The following VAV3 variants were observed in gnomAD, a reference collection of about 807,000 sequenced individuals.
VAV3 encodes guanine nucleotide exchange factor VAV3.
In VAV3, 94 loss-of-function variants were observed where a neutral mutation model predicts 131.2. The ratio of observed to expected loss-of-function variants is 0.72; its 90% CI spans 0.61 to 0.85. The LOEUF (loss-of-function observed/expected upper bound fraction) is 0.85. Among genes scored for constraint, VAV3 ranks in the 40% least tolerant of loss-of-function variants. VAV3 has a pLI of 0.00. For synonymous variants in VAV3, 349 were observed against 342.0 expected, an observed-to-expected ratio of 1.02 and a Z score of -0.22; for missense variants, 939 against 1,002.7, an observed-to-expected ratio of 0.94 and a Z score of 0.86.
In VAV3 at chr1:107,957,881, TA is replaced by T. The variant is rs11413288; in HGVS notation, c.204+6784del. On this transcript the variant is annotated intron_variant, in intron 1 of 26. Transcript: ENST00000370056. Reference sequence around the variant, plus strand: ...AAACATGGTATAATTTTCTCCATCTTAAAAAAAAAAAAAGACACGATCTCAT... The same window carrying T: ...AAACATGGTATAATTTTCTCCATCTTAAAAAAAAAAAAGACACGATCTCAT... Among the ~76,000 whole-genome samples, 1,011 of 141,860 alleles carry T rather than the reference TA, an allele frequency of 7.1e-3. 8 individuals are homozygous for T. Among genetic ancestry groups the T allele is most frequent in the African/African-American group, 0.014 (550 of 39,018 alleles). The allele number at this position is 141,860 out of a possible 152,430, so 93.1% of individuals were successfully genotyped here. A position where few individuals can be genotyped will look rare whatever the true frequency, so the allele number is the denominator to read the frequency against.
intron 2 of VAV3, among the ~76,000 whole-genome samples, chr1:107,787,356 C>T (rs1666064100): frequency 6.6e-6 from 1 of 152,184 alleles, no homozygotes; most frequent in Non-Finnish European, 1.5e-5. Context: ...AACCAACAGT[C>T]TATTAGGAAA....
At chr1:107,585,970 G>T (rs966132778) in intron 25 of VAV3, among the ~76,000 whole-genome samples, 1 of 152,154 alleles carries the variant, frequency 6.6e-6, no homozygotes, top group African/African-American at 2.4e-5. Context: ...AGTGGCTGGT[G>T]TCAGCCTGCT....
chr1:107,748,486 G>A (rs1337603665), intron 15 of VAV3, among the ~76,000 whole-genome samples: 4 of 152,044 alleles, frequency 2.6e-5, no homozygotes, highest in Admixed American at 6.6e-5. Flanking sequence ...TTAAATACAC[G>A]AAGCATTTTA....
In VAV3 at chr1:107,964,882, C is replaced by G; in HGVS notation, c.-13G>C. On this transcript the variant is annotated 5_prime_UTR_variant, in exon 1 of 27. Transcript: ENST00000370056. Reference sequence around the variant, plus strand: ...TCCACGGCTCCATGCCCGACGGCTCCGGGACGCGGCTGGGCCGGGGCGGGC... The same window carrying G: ...TCCACGGCTCCATGCCCGACGGCTCGGGGACGCGGCTGGGCCGGGGCGGGC... 1 of 1,507,854 alleles carries G rather than the reference C, an allele frequency of 6.6e-7. No homozygotes were observed. Among genetic ancestry groups the G allele is most frequent in the Middle Eastern group, 1.9e-4 (1 of 5,336 alleles). The allele number at this position is 1,507,854 out of a possible 1,614,324, so 93.4% of individuals were successfully genotyped here. A position where few individuals can be genotyped will look rare whatever the true frequency, so the allele number is the denominator to read the frequency against.
At chr1:107,610,069 T>A in intron 21 of VAV3, 104 bp from the exon 22 acceptor site, 2 of 1,017,026 alleles carry the variant, frequency 2.0e-6, no homozygotes, top group Non-Finnish European at 3.1e-6. Context: ...AAACCCTAAG[T>A]GGCACAGTCC....
chr1:107,924,563 T>C (rs539124759), intron 1 of VAV3, among the ~76,000 whole-genome samples: 1 of 152,154 alleles, frequency 6.6e-6, no homozygotes, highest in Non-Finnish European at 1.5e-5. Context: ...ACCAAAAATA[T>C]CTATGGCTTT....
intron 6 of VAV3, among the ~76,000 whole-genome samples, chr1:107,768,763 AAAGG>A (rs1253096228): frequency 6.6e-6 from 1 of 152,220 alleles, no homozygotes; most frequent in Non-Finnish European, 1.5e-5. Flanking sequence ...AATGCTTCCA[AAAGG>A]AAGGAAGAAA....
intron 15 of VAV3, among the ~76,000 whole-genome samples, chr1:107,733,949 G>A (rs1662427906): frequency 1.3e-5 from 2 of 152,240 alleles, no homozygotes; most frequent in East Asian, 1.9e-4. Flanking sequence ...CATGTTAAAG[G>A]CAGCCAGAGA....
chr1:107,662,277 G>A (rs939688002), intron 19 of VAV3, among the ~76,000 whole-genome samples: 5 of 151,984 alleles, frequency 3.3e-5, no homozygotes, highest in Non-Finnish European at 7.4e-5. Flanking sequence ...TTTAAAATAT[G>A]ACAAATTGTT....
chr1:107,899,636 A>T (rs1385638133), intron 1 of VAV3, among the ~76,000 whole-genome samples: 1 of 152,206 alleles, frequency 6.6e-6, no homozygotes, highest in Non-Finnish European at 1.5e-5. Flanking sequence ...ATGATGTATC[A>T]AGGCTGAGTG....
At chr1:107,883,681 G>A (rs1002911566) in intron 1 of VAV3, among the ~76,000 whole-genome samples, 9 of 152,102 alleles carry the variant, frequency 5.9e-5, no homozygotes, top group African/African-American at 1.7e-4. Context: ...TGTGTTTCCT[G>A]CCTCTGGTGT....
chr1:107,897,862 T>C lies in VAV3; in HGVS notation c.205-22845A>G, dbSNP rs79346709. On this transcript the variant is annotated intron_variant, in intron 1 of 26. Coordinates refer to ENST00000370056, the MANE Select transcript of VAV3 (RefSeq NM_006113.5). Reference sequence around the variant, plus strand: ...TTTATGAAATTTTATTGCTGTACCTTACTTTCTAAAATCCCCTCTTGCTCT... The same window carrying C: ...TTTATGAAATTTTATTGCTGTACCTCACTTTCTAAAATCCCCTCTTGCTCT... 6.5e-3 allele frequency among the ~76,000 whole-genome samples: 984 copies of C among 152,186 alleles called. 12 individuals are homozygous for C. Among genetic ancestry groups the C allele is most frequent in the African/African-American group, 0.023 (944 of 41,506 alleles).
intron 2 of VAV3, 121 bp from the exon 3 acceptor site, chr1:107,779,613 A>G (rs1447191048): frequency 6.8e-6 from 4 of 588,604 alleles, no homozygotes; most frequent in Non-Finnish European, 1.1e-5. Context: ...GCAGGTGTCA[A>G]AGATGTGCAG....
intron 2 of VAV3, among the ~76,000 whole-genome samples, chr1:107,871,828 C>A (rs1251579486): frequency 6.6e-6 from 1 of 152,106 alleles, no homozygotes; most frequent in Non-Finnish European, 1.5e-5. Flanking sequence ...GCAGAAAACA[C>A]CACAATGAGA....
At chr1:107,701,361 C>T (rs1396711301) in intron 17 of VAV3, among the ~76,000 whole-genome samples, 1 of 151,004 alleles carries the variant, frequency 6.6e-6, no homozygotes, top group Admixed American at 6.6e-5. Context: ...TGTACGTTGG[C>T]CCCTTTTCGC....
chr1:107,767,708 T>C lies in VAV3; in HGVS notation c.717+733A>G, dbSNP rs1329815796. Among the ~76,000 whole-genome samples the C allele has an allele frequency of 7.4e-4, 112 of 152,188 alleles. 1 individual carries two copies. Among genetic ancestry groups the C allele is most frequent in the Non-Finnish European group, 2.4e-4 (16 of 68,032 alleles). On this transcript the variant is annotated intron_variant, in intron 7 of 26. Transcript: ENST00000370056. ...ATACATTTATCAGTGTATGTGTACA[T>C]GCGTGCATGGGGGTGGGGATGTATA...
chr1:107,849,832 C>T (rs1669138393), intron 2 of VAV3, among the ~76,000 whole-genome samples: 1 of 152,096 alleles, frequency 6.6e-6, no homozygotes, highest in African/African-American at 2.4e-5. Flanking sequence ...TGACAAAGGG[C>T]TAATATCCAG....
chr1:107,826,447 A>T (rs568261407), intron 2 of VAV3, among the ~76,000 whole-genome samples: 1 of 151,612 alleles, frequency 6.6e-6, no homozygotes, highest in Admixed American at 6.6e-5. Flanking sequence ...GTAAACAGCG[A>T]TAATAAGAAT....
At chr1:107,895,251 G>A (rs72983424) in intron 1 of VAV3, among the ~76,000 whole-genome samples, 4,039 of 152,138 alleles carry the variant, frequency 0.027, 140 homozygotes, top group African/African-American at 0.079. Flanking sequence ...ACGTGAGTGG[G>A]GAACAAAAAT....
Sources: allele counts gnomAD v4.1 joint callset (sites outside exome capture counted in the v4.1 genomes callset), GRCh38; gene constraint gnomAD v4.1.1; transcripts MANE v1.5; gene names NCBI Gene and HGNC (gene_info 2026-07-23, HGNC 2026-07-21).